The following SCN8A variants were observed in gnomAD, a reference collection of about 807,000 sequenced individuals.
The protein encoded by SCN8A is sodium channel protein type 8 subunit alpha.
Under a neutral mutation model 184.1 loss-of-function variants are expected in SCN8A, and 30 were observed. The ratio of observed to expected loss-of-function variants is 0.16; its 90% confidence interval spans 0.12 to 0.22. SCN8A has a LOEUF of 0.22. Among genes scored for constraint, SCN8A ranks in the 10% least tolerant of loss-of-function variants. The probability of loss-of-function intolerance (pLI) is 1.00; values close to 1 mark genes in which losing one functional copy is unlikely to be tolerated. For missense variants in SCN8A, 1,057 were observed against 2,498.9 expected, an observed-to-expected ratio of 0.42 and a Z score of 12.30; for synonymous variants, 852 against 907.0, an observed-to-expected ratio of 0.94 and a Z score of 1.09.
intron 11 of SCN8A, among the ~76,000 whole-genome samples, chr12:51,713,865 A>T (rs1449841366): frequency 6.6e-6 from 1 of 151,214 alleles, no homozygotes; most frequent in African/African-American, 2.4e-5. Flanking sequence ...TAAGAAAATT[A>T]AAAAATATTT....
chr12:51,704,753 T>C (rs1214131502), intron 9 of SCN8A, among the ~76,000 whole-genome samples: 1 of 149,964 alleles, frequency 6.7e-6, no homozygotes, highest in Non-Finnish European at 1.5e-5. Context: ...GGCGGGTGGA[T>C]CATGAGGTCA....
intron 1 of SCN8A, among the ~76,000 whole-genome samples, chr12:51,652,966 C>G (rs983327098): frequency 8.5e-5 from 13 of 152,104 alleles, no homozygotes; most frequent in African/African-American, 3.1e-4. Context: ...ATTTTTTTCT[C>G]TCTTTTAAAA....
At chr12:51,744,188 A>G (rs899941782) in intron 12 of SCN8A, among the ~76,000 whole-genome samples, 1 of 152,146 alleles carries the variant, frequency 6.6e-6, no homozygotes, top group African/African-American at 2.4e-5. Flanking sequence ...CTGTAATCCC[A>G]GCTATTCAGG....
At chr12:51,786,463 T>C in intron 21 of SCN8A, 79 bp from the exon 22 acceptor site, 2 of 1,456,652 alleles carry the variant, frequency 1.4e-6, no homozygotes, top group Non-Finnish European at 1.9e-6. Flanking sequence ...CCACACAATG[T>C]CATTCCCCTC....
At chr12:51,720,966 C>A (rs899440282) in intron 11 of SCN8A, among the ~76,000 whole-genome samples, 1 of 151,016 alleles carries the variant, frequency 6.6e-6, no homozygotes, top group Non-Finnish European at 1.5e-5. Context: ...ACTCAGGAGG[C>A]TGAGGCAGGA....
chr12:51,745,227 G>T (rs1942490923), intron 12 of SCN8A, among the ~76,000 whole-genome samples: 1 of 152,126 alleles, frequency 6.6e-6, no homozygotes, highest in African/African-American at 2.4e-5. Flanking sequence ...TTTGAACATT[G>T]CAGGTTAACT....
At chr12:51,744,641 C>G (rs981146583) in intron 12 of SCN8A, among the ~76,000 whole-genome samples, 1 of 141,728 alleles carries the variant, frequency 7.1e-6, no homozygotes, top group African/African-American at 2.7e-5. Flanking sequence ...GAGATGAGGT[C>G]TCTATGTTGC....
In SCN8A at chr12:51,769,039, C is replaced by T. The variant is rs117217073; in HGVS notation, c.3076C>T (p.Arg1026Cys). Residue 1026 changes from arginine to cysteine, a missense_variant, in exon 17 of 27, where the codon CGT becomes TGT. Physicochemically the swap from Arg to Cys is radical, Grantham distance 180 (BLOSUM62 -3). Coordinates refer to ENST00000627620, the MANE Select transcript of SCN8A (RefSeq NM_001330260.2). ...CTTCATGCAGGCCCACTTTAAGCAG[C>T]GTGAGGCTGATGAGGTGAAGCCTCT... Reference protein sequence around the residue: ...HAFMQAHFKQREADEVKPLDE... With the variant: ...HAFMQAHFKQCEADEVKPLDE... 0.012 allele frequency: 20,133 copies of T among 1,613,932 alleles called. 183 individuals are homozygous for T. Among genetic ancestry groups the T allele is most frequent in the Non-Finnish European group, 0.014 (16,048 of 1,179,858 alleles).
At chr12:51,743,146 A>G (rs1942454798) in intron 12 of SCN8A, among the ~76,000 whole-genome samples, 1 of 152,154 alleles carries the variant, frequency 6.6e-6, no homozygotes, top group African/African-American at 2.4e-5. Context: ...AGTTTCATCA[A>G]TATAGTTCTT....
rs1039772771 is a variant in SCN8A at position 51,773,129 on chromosome 12, A to AAG, written c.3646-1054_3646-1053dup. ...GAGACTCCGTCTCCAAAAAAAAAAA[A>AAG]AGAGAGAAAGTGGAGCACCTGATAT... On this transcript the variant is annotated intron_variant, in intron 19 of 26. Coordinates refer to ENST00000627620, the MANE Select transcript of SCN8A (RefSeq NM_001330260.2). Among the ~76,000 whole-genome samples, 23 of 152,114 alleles carry AAG rather than the reference A, an allele frequency of 1.5e-4. 4 individuals are homozygous for AAG. Among genetic ancestry groups the AAG allele is most frequent in the African/African-American group, 5.5e-4 (23 of 41,472 alleles).
intron 2 of SCN8A, among the ~76,000 whole-genome samples, chr12:51,676,990 T>A (rs575015491): frequency 1.3e-5 from 2 of 152,342 alleles, no homozygotes; most frequent in Non-Finnish European, 2.9e-5. Context: ...TATGATATTC[T>A]CCACCCCTGC....
rs188953448 is a variant in SCN8A at position 51,613,590 on chromosome 12, A to G, written c.-55+22231A>G. 9.2e-5 allele frequency among the ~76,000 whole-genome samples: 14 copies of G among 151,810 alleles called. No homozygotes were observed. The East Asian group carries it at 2.3e-3, about 25-fold the overall frequency. On this transcript the variant is annotated intron_variant, in intron 1 of 26. Coordinates refer to ENST00000627620, the MANE Select transcript of SCN8A (RefSeq NM_001330260.2). ...ATTTTCCTCTATTTTTCTGTTTTCA[A>G]TGTAGTTGATTTCTGTTCTTTATTT...
intron 9 of SCN8A, among the ~76,000 whole-genome samples, chr12:51,704,003 C>T (rs746292860): frequency 6.6e-6 from 1 of 152,076 alleles, no homozygotes; most frequent in Non-Finnish European, 1.5e-5. Flanking sequence ...AACAATTCTC[C>T]TGCCTCAGCC....
At chr12:51,647,492 C>G (rs1161463929) in intron 1 of SCN8A, among the ~76,000 whole-genome samples, 3 of 152,152 alleles carry the variant, frequency 2.0e-5, no homozygotes, top group African/African-American at 7.2e-5. Context: ...GGTGGAAATC[C>G]AGGGAGACAG....
At position 51,790,630 on chromosome 12, in the gene SCN8A, C is replaced by T. The variant is rs924006721; in HGVS notation, c.4524+128C>T. ...TGTGCCTAATCCTCTCCTCACCACC[C>T]ATCCAAAAGATCTGAATAGGACAGC... On this transcript the variant is annotated intron_variant, in intron 25 of 26. Transcript: ENST00000627620. 4.8e-6 allele frequency: 3 copies of T among 623,502 alleles called. No homozygotes were observed. The African/African-American group carries it at 5.7e-5, about 12-fold the overall frequency. 38.6% of individuals were successfully genotyped at this position (623,502 alleles called of 1,614,324 possible). A position where few individuals can be genotyped will look rare whatever the true frequency, so the allele number is the denominator to read the frequency against.
At chr12:51,629,224 A>AT (rs1403365490) in intron 1 of SCN8A, among the ~76,000 whole-genome samples, 2 of 152,102 alleles carry the variant, frequency 1.3e-5, no homozygotes, top group Non-Finnish European at 2.9e-5. Context: ...GGCAGAGGCT[A>AT]TTTTTTCCTG....
intron 12 of SCN8A, among the ~76,000 whole-genome samples, chr12:51,732,360 G>T (rs1942257550): frequency 6.6e-6 from 1 of 152,142 alleles, no homozygotes; most frequent in Admixed American, 6.5e-5. Context: ...TGGCGCTTTT[G>T]CTGACAATGA....
chr12:51,621,787 G>C (rs1467368041), intron 1 of SCN8A, among the ~76,000 whole-genome samples: 1 of 152,204 alleles, frequency 6.6e-6, no homozygotes, highest in Non-Finnish European at 1.5e-5. Flanking sequence ...TGAGTTCTGC[G>C]ATGTAGGCAG....
Position 51,769,157 on chromosome 12 carries a change from G to A in SCN8A, c.3194G>A (p.Gly1065Asp). ...GGTGACTTCCAGAAGAATGGCAATG[G>A]CACAACCAGCGGCATTGGCAGCAGC... ...RNGDFQKNGN[G>D]TTSGIGSSVE... The change falls in exon 17 of 27, where the codon GGC (glycine) becomes GAC (aspartate). Residue 1065 changes from glycine to aspartate, a missense_variant. Gly to Asp is a moderately conservative substitution (Grantham distance 94, BLOSUM62 -1). This residue lies in a region of SCN8A where 178 missense variants were observed against 259.6 expected (regional missense o/e 0.69). Transcript: ENST00000627620. 1 of 1,613,354 alleles carries A rather than the reference G, an allele frequency of 6.2e-7. No individual in the cohort carries two copies. Among genetic ancestry groups the A allele is most frequent in the Non-Finnish European group, 8.5e-7 (1 of 1,179,602 alleles).
Sources: gnomAD v4.1 joint callset for allele counts (sites outside exome capture counted in the v4.1 genomes callset) on GRCh38, gnomAD v4.1.1 for gene constraint, gnomAD v4.1.1 regional missense constraint, MANE v1.5 for transcripts, NCBI Gene and HGNC (gene_info 2026-07-23, HGNC 2026-07-21) for gene names.